Variants in USH2A observed in about 807,000 individuals in gnomAD.
USH2A encodes usherin.
Under a neutral mutation model 538.9 loss-of-function variants are expected in USH2A, and 443 were observed. The observed-to-expected ratio is 0.82, with a 90% CI of 0.76 to 0.89. The LOEUF (loss-of-function observed/expected upper bound fraction) is 0.89, where lower values mean the gene tolerates loss of function less well. Ranked by LOEUF, USH2A falls within the 40% of genes least tolerant of loss-of-function variation. The pLI is 0.00. For missense variants in USH2A, 6,633 were observed against 6,324.8 expected (o/e 1.05, Z -1.65); for synonymous variants, 2,413 against 2,273.5 (o/e 1.06, Z -1.75).
intron 38 of USH2A, among the ~76,000 whole-genome samples, chr1:215,922,590 G>C (rs1666130734): frequency 6.6e-6 from 1 of 151,998 alleles, no homozygotes; most frequent in African/African-American, 2.4e-5. Flanking sequence ...TAGCTCAGTG[G>C]TCTTCAAACT....
At chr1:215,847,296 G>T (rs2102824542) in intron 44 of USH2A, among the ~76,000 whole-genome samples, 1 of 152,232 alleles carries the variant, frequency 6.6e-6, no homozygotes, top group East Asian at 1.9e-4. Flanking sequence ...ACCTTAGTTT[G>T]TTAGGATGGG....
chr1:216,031,477 C>G (rs979585412), intron 32 of USH2A, among the ~76,000 whole-genome samples: 1 of 152,048 alleles, frequency 6.6e-6, no homozygotes, highest in African/African-American at 2.4e-5. Context: ...AAACATAATG[C>G]GTTTCTCTCC....
chr1:216,368,804 T>C (rs1206608765), intron 3 of USH2A, among the ~76,000 whole-genome samples: 1 of 152,196 alleles, frequency 6.6e-6, no homozygotes, highest in East Asian at 1.9e-4. Context: ...ATATGTGGTG[T>C]ATAACGTATT....
chr1:215,809,740 T>C (rs1319406117), intron 49 of USH2A, among the ~76,000 whole-genome samples: 1 of 152,198 alleles, frequency 6.6e-6, no homozygotes, highest in Non-Finnish European at 1.5e-5. Flanking sequence ...TTTCCTCTTC[T>C]GCTGTTTGTT....
rs115747870 is a variant in USH2A at position 216,043,567 on chromosome 1, T to C, written c.6325+2864A>G. Among the ~76,000 whole-genome samples, 1,075 of 152,276 alleles carry C rather than the reference T, an allele frequency of 7.1e-3. 11 individuals are homozygous for C. The highest frequency in any genetic ancestry group is 0.025 in the African/African-American group (1,021 of 41,552). ...TTTCACTTTCTTTATATTTGGGGCT[T>C]CTATTGTAATAATACACTATGGTGC... On this transcript the variant is annotated intron_variant, in intron 32 of 71. Coordinates refer to ENST00000307340, the MANE Select transcript of USH2A (RefSeq NM_206933.4).
chr1:216,217,268 C>T (rs1304491209), intron 15 of USH2A, 119 bp downstream of exon 15: 7 of 1,296,310 alleles, frequency 5.4e-6, no homozygotes, highest in East Asian at 2.5e-5. Flanking sequence ...CTCTTACCTA[C>T]GTTCTTCACA....
Position 216,251,298 on chromosome 1 carries a change from C to T in USH2A, c.1972-200G>A, listed in dbSNP as rs957372797. Among the ~76,000 whole-genome samples the T allele has an allele frequency of 2.6e-5, 4 of 151,586 alleles. No homozygotes were observed. The East Asian group carries it at 7.7e-4, about 29-fold the overall frequency. On this transcript the variant is annotated intron_variant, in intron 11 of 71. Transcript: ENST00000307340. The stretch of plus-strand genomic sequence containing the variant: ...ATACAGAACTGAATGAAAATAAAAC[C>T]CATAGAAGTTAGTCGTATAAGAATA...
chr1:215,709,752 C>A (rs1248970923), intron 61 of USH2A, among the ~76,000 whole-genome samples: 3 of 151,486 alleles, frequency 2.0e-5, no homozygotes, highest in Non-Finnish European at 4.4e-5. Context: ...GCCCAGATGG[C>A]TCTTTGAAGA....
intron 32 of USH2A, 58 bp downstream of exon 32, chr1:216,046,373 G>T (rs1363287361): frequency 6.2e-7 from 1 of 1,601,030 alleles, no homozygotes; most frequent in Admixed American, 1.7e-5. Context: ...CCAACTATAT[G>T]TATGTTTATA....
At chr1:215,962,313 C>T (rs115878992) in intron 37 of USH2A, among the ~76,000 whole-genome samples, 6,464 of 152,032 alleles carry the variant, frequency 0.043, 180 homozygotes, top group Admixed American at 0.066. Flanking sequence ...AGGAATTTAT[C>T]GTATTAATTT....
intron 9 of USH2A, among the ~76,000 whole-genome samples, chr1:216,305,142 C>T (rs1217279091): frequency 6.6e-6 from 1 of 151,906 alleles, no homozygotes; most frequent in East Asian, 1.9e-4. Context: ...TATTGTGTTG[C>T]TGTTTATCTC....
rs547704875 is a variant in USH2A at position 215,857,545 on chromosome 1, C to T, written c.8845+9462G>A. 9.2e-5 allele frequency among the ~76,000 whole-genome samples: 14 copies of T among 151,948 alleles called. No homozygotes were observed. In the South Asian group the frequency reaches 2.7e-3, roughly 29 times the overall value. On this transcript the variant is annotated intron_variant, in intron 44 of 71. Coordinates refer to ENST00000307340, the MANE Select transcript of USH2A (RefSeq NM_206933.4). Reference sequence around the variant, plus strand: ...TGACTGAATATACATATTCAATAAGCCTCAGGAAGAGTCATGAGTATTTAT... The same window carrying T: ...TGACTGAATATACATATTCAATAAGTCTCAGGAAGAGTCATGAGTATTTAT...
chr1:215,732,556 T>C (rs1171311576), intron 60 of USH2A, among the ~76,000 whole-genome samples: 3 of 128,012 alleles, frequency 2.3e-5, no homozygotes, highest in African/African-American at 5.9e-5. Flanking sequence ...TTTTTTTTTT[T>C]TTTTTTTTTT....
rs753233925 is a variant in USH2A, at chr1:215,996,560, G to GTTTTTT, written c.6657+2321_6657+2326dup. On this transcript the variant is annotated intron_variant, in intron 34 of 71. Coordinates refer to ENST00000307340, the MANE Select transcript of USH2A (RefSeq NM_206933.4). ...TTTGTTGAGAGTAGCAACATATTAT[G>GTTTTTT]TTTTTTTTTTTTTTTTTTTTTTTTT... 1.4e-3 allele frequency among the ~76,000 whole-genome samples: 71 copies of GTTTTTT among 51,718 alleles called. 14 individuals carry two copies. Among genetic ancestry groups the GTTTTTT allele is most frequent in the Non-Finnish European group, 1.6e-3 (52 of 31,966 alleles). The allele number at this position is 51,718 out of a possible 152,430, so 33.9% of individuals were successfully genotyped here.
intron 41 of USH2A, among the ~76,000 whole-genome samples, chr1:215,883,527 C>T (rs1303331790): frequency 6.6e-6 from 1 of 150,904 alleles, no homozygotes; most frequent in African/African-American, 2.4e-5. Flanking sequence ...AAGATTTTTA[C>T]TTTTTTAACA....
At chr1:216,193,064 C>G (rs910448143) in intron 19 of USH2A, among the ~76,000 whole-genome samples, 1 of 152,032 alleles carries the variant, frequency 6.6e-6, no homozygotes, top group Admixed American at 6.6e-5. Flanking sequence ...AATAATATTT[C>G]TCACCTTATT....
chr1:216,106,531 TA>T (rs2032737348), intron 21 of USH2A, among the ~76,000 whole-genome samples: 2 of 151,516 alleles, frequency 1.3e-5, no homozygotes, highest in Admixed American at 1.3e-4. Flanking sequence ...TAATCCAAAA[TA>T]TTTTTTTCTC....
At chr1:216,294,773 T>G (rs1558370504) in intron 9 of USH2A, among the ~76,000 whole-genome samples, 1 of 151,996 alleles carries the variant, frequency 6.6e-6, no homozygotes, top group Non-Finnish European at 1.5e-5. Flanking sequence ...TTAGATAATA[T>G]GTCAATTACT....
chr1:215,800,415 T>A (rs1259643689), intron 49 of USH2A, among the ~76,000 whole-genome samples: 2 of 152,218 alleles, frequency 1.3e-5, no homozygotes, highest in African/African-American at 4.8e-5. Context: ...GTGAGTATGA[T>A]GACCAATCTG....
Sources: gnomAD v4.1 joint callset for allele counts (sites outside exome capture counted in the v4.1 genomes callset) on GRCh38, gnomAD v4.1.1 for gene constraint, MANE v1.5 for transcripts, NCBI Gene and HGNC (gene_info 2026-07-23, HGNC 2026-07-21) for gene names.